HHIP: variants seen among roughly 807,000 people sequenced by gnomAD.
HHIP encodes the protein hedgehog-interacting protein.
HHIP carries 12 observed loss-of-function variants against 74.0 expected under a neutral mutation model. The observed-to-expected ratio is 0.16, with a 90% CI of 0.10 to 0.26. HHIP has a LOEUF of 0.26. HHIP is among the 10% of genes least tolerant of loss of function. The probability of loss-of-function intolerance (pLI) is 1.00; values close to 1 mark genes in which losing one functional copy is unlikely to be tolerated. For missense variants in HHIP, 788 were observed against 845.0 expected, an observed-to-expected ratio of 0.93 and a Z score of 0.84; for synonymous variants, 309 against 311.6, an observed-to-expected ratio of 0.99 and a Z score of 0.09.
intron 7 of HHIP, among the ~76,000 whole-genome samples, chr4:144,710,717 G>A (rs1730273422): frequency 6.6e-6 from 1 of 152,076 alleles, no homozygotes; most frequent in South Asian, 2.1e-4. Context: ...AGTGTGATGG[G>A]GGTGAGGGAG....
rs186623132 is a variant in HHIP, at chr4:144,658,100, T to G, written c.473-690T>G. On this transcript the variant is annotated intron_variant, in intron 2 of 12. Transcript: ENST00000296575. Reference sequence around the variant, plus strand: ...TTCTTGTTTGTTCATCTGAGGAAGTTATTTAGTATTGTAGGAAAAAATGCT... The same window carrying G: ...TTCTTGTTTGTTCATCTGAGGAAGTGATTTAGTATTGTAGGAAAAAATGCT... Among the ~76,000 whole-genome samples, 558 of 152,276 alleles carry G rather than the reference T, an allele frequency of 3.7e-3. 5 individuals carry two copies. Among genetic ancestry groups the G allele is most frequent in the African/African-American group, 0.013 (520 of 41,564 alleles).
At chr4:144,691,160 C>T (rs73854046) in intron 4 of HHIP, among the ~76,000 whole-genome samples, 7,587 of 152,182 alleles carry the variant, frequency 0.05, 606 homozygotes, top group African/African-American at 0.17. Context: ...AGATTGCCAA[C>T]TTTCCAATAG....
chr4:144,729,541 C>T (rs1730892352), intron 11 of HHIP, among the ~76,000 whole-genome samples: 1 of 152,138 alleles, frequency 6.6e-6, no homozygotes. Context: ...GATTCAAAAT[C>T]AGTAGGTCTG....
Position 144,741,537 on chromosome 4 carries a change from A to T in HHIP, c.*3580A>T, listed in dbSNP as rs1347855023. The stretch of plus-strand genomic sequence containing the variant: ...TGGGATTACAGGTGCCCGCCACCAC[A>T]CCCGGCTAATTTTTTTGTGTTTTTA... On this transcript the variant is annotated 3_prime_UTR_variant, in exon 13 of 13. Coordinates refer to ENST00000296575, the MANE Select transcript of HHIP (RefSeq NM_022475.3). 1 of 151,490 alleles carries T rather than the reference A, an allele frequency of 6.6e-6. No homozygotes were observed. Among genetic ancestry groups the T allele is most frequent in the Non-Finnish European group, 1.5e-5 (1 of 67,912 alleles). The allele number at this position is 151,490 out of a possible 1,614,324, so 9.4% of individuals were successfully genotyped here.
intron 4 of HHIP, among the ~76,000 whole-genome samples, chr4:144,694,335 T>G (rs868138797): frequency 1.4e-5 from 2 of 141,548 alleles, no homozygotes; most frequent in South Asian, 4.2e-4. Context: ...ACTATTGGGG[T>G]TTTTTTTTTC....
Position 144,738,007 on chromosome 4 carries a change from C to A in HHIP, c.*50C>A. The A allele has an allele frequency of 6.9e-7, 1 of 1,446,226 alleles. No individual in the cohort carries two copies. The allele number at this position is 1,446,226 out of a possible 1,614,324, so 89.6% of individuals were successfully genotyped here. A position where few individuals can be genotyped will look rare whatever the true frequency, so the allele number is the denominator to read the frequency against. On this transcript the variant is annotated 3_prime_UTR_variant, in exon 13 of 13. Transcript: ENST00000296575. ...ATTCCAATGGGCATTTATTTTTTAT[C>A]CTGTCATTAAAAAAAAAAGACTGTT...
chr4:144,678,219 G>A (rs557792581), intron 4 of HHIP, among the ~76,000 whole-genome samples: 2 of 152,216 alleles, frequency 1.3e-5, no homozygotes, highest in Admixed American at 6.5e-5. Flanking sequence ...ATCAGGAACT[G>A]CCTCCAAAAT....
Position 144,715,307 on chromosome 4 carries a change from C to G in HHIP, c.1555C>G (p.Leu519Val). Residue 519 changes from leucine (L) to valine (V), a missense_variant, in exon 10 of 13, where the codon CTA (leucine) becomes GTA (valine). Leu to Val is a conservative substitution (Grantham distance 32). Around this residue, in one of 3 missense-constraint regions of HHIP, gnomAD observed 343 missense variants for 347.9 expected, o/e 0.99. Coordinates refer to ENST00000296575, the MANE Select transcript of HHIP (RefSeq NM_022475.3). Reference protein sequence around the residue: ...YVFGDRNGNFLTLQQSPVTKQ... With the variant: ...YVFGDRNGNFVTLQQSPVTKQ... ...GGTATGTTTCTGTTGTAGGAATTTC[C>G]TAACTCTCCAGCAAAGTCCTGTGAC... The G allele has an allele frequency of 1.2e-6, 2 of 1,612,580 alleles. No individual in the cohort carries two copies. The highest frequency in any genetic ancestry group is 1.7e-6 in the Non-Finnish European group (2 of 1,178,970).
chr4:144,722,170 T>G (rs1730656956), intron 11 of HHIP, among the ~76,000 whole-genome samples: 1 of 152,160 alleles, frequency 6.6e-6, no homozygotes, highest in Non-Finnish European at 1.5e-5. Flanking sequence ...TTAGATGAAC[T>G]GAGGACAAAA....
At position 144,738,574 on chromosome 4, in the gene HHIP, T is replaced by C. The variant is rs113157658; in HGVS notation, c.*617T>C. The C allele has an allele frequency of 2.2e-3, 1,753 of 804,222 alleles. 30 individuals are homozygous for C. The African/African-American group carries it at 0.028, about 13-fold the overall frequency. The allele number at this position is 804,222 out of a possible 1,614,324, so 49.8% of individuals were successfully genotyped here. A position where few individuals can be genotyped will look rare whatever the true frequency, so the allele number is the denominator to read the frequency against. Reference sequence around the variant, plus strand: ...ATTTCATCTTAATCTCAAGATTGTTTTCAAGTGTTTTATAATTAAATCATA... The same window carrying C: ...ATTTCATCTTAATCTCAAGATTGTTCTCAAGTGTTTTATAATTAAATCATA... On this transcript the variant is annotated 3_prime_UTR_variant, in exon 13 of 13. Coordinates refer to ENST00000296575, the MANE Select transcript of HHIP (RefSeq NM_022475.3).
At chr4:144,701,985 C>T (rs567704031) in intron 4 of HHIP, among the ~76,000 whole-genome samples, 1 of 152,074 alleles carries the variant, frequency 6.6e-6, no homozygotes, top group South Asian at 2.1e-4. Context: ...CCTATAATGT[C>T]TGTTAAAAAA....
chr4:144,681,884 A>C (rs1729354830), intron 4 of HHIP, among the ~76,000 whole-genome samples: 1 of 152,222 alleles, frequency 6.6e-6, no homozygotes, highest in South Asian at 2.1e-4. Context: ...CACGTGCTTT[A>C]GTTATAAAAT....
Position 144,743,848 on chromosome 4 carries a change from A to C in HHIP, c.*5891A>C, listed in dbSNP as rs1347888305. 1 of 152,160 alleles carries C rather than the reference A, an allele frequency of 6.6e-6. No individual in the cohort carries two copies. The highest frequency in any genetic ancestry group is 1.5e-5 in the Non-Finnish European group (1 of 67,984). The allele number at this position is 152,160 out of a possible 1,614,324, so 9.4% of individuals were successfully genotyped here. A position where few individuals can be genotyped will look rare whatever the true frequency, so the allele number is the denominator to read the frequency against. ...CATTTTCCTTTTCACTAAAAAAATA[A>C]CTAATTGATAGTTTCCATTCACATG... is the stretch of plus-strand genomic sequence containing the variant. On this transcript the variant is annotated 3_prime_UTR_variant, in exon 13 of 13. Transcript: ENST00000296575.
chr4:144,674,320 G>C (rs145739892), intron 4 of HHIP, among the ~76,000 whole-genome samples: 1 of 152,130 alleles, frequency 6.6e-6, no homozygotes, highest in Non-Finnish European at 1.5e-5. Flanking sequence ...ATGTGCGAAG[G>C]CCATCTCTGC....
intron 4 of HHIP, among the ~76,000 whole-genome samples, chr4:144,666,665 C>T (rs1432511664): frequency 6.6e-6 from 1 of 152,164 alleles, no homozygotes; most frequent in East Asian, 1.9e-4. Context: ...ATGAGTGGCA[C>T]TGCATGAGAG....
chr4:144,692,980 T>G (rs1408530374), intron 4 of HHIP, among the ~76,000 whole-genome samples: 1 of 152,058 alleles, frequency 6.6e-6, no homozygotes, highest in Non-Finnish European at 1.5e-5. Context: ...ATCTGACACA[T>G]GAGGACATGG....
intron 4 of HHIP, among the ~76,000 whole-genome samples, chr4:144,663,149 C>T (rs1728759839): frequency 6.6e-6 from 1 of 152,126 alleles, no homozygotes; most frequent in African/African-American, 2.4e-5. Flanking sequence ...ATTAGCCGGG[C>T]ATGGTGGCAT....
At chr4:144,719,748 CTG>C (rs1198718620) in intron 11 of HHIP, among the ~76,000 whole-genome samples, 1 of 152,176 alleles carries the variant, frequency 6.6e-6, no homozygotes, top group Non-Finnish European at 1.5e-5. Flanking sequence ...ACAGACACGA[CTG>C]TTGTTGAGCA....
chr4:144,719,074 C>A, intron 11 of HHIP, 118 bp downstream of exon 11: 1 of 699,692 alleles, frequency 1.4e-6, no homozygotes, highest in Non-Finnish European at 2.5e-6. Context: ...ACACTTTTAC[C>A]ATTTCCATAT....
Sources: gnomAD v4.1 joint callset for allele counts (sites outside exome capture counted in the v4.1 genomes callset) on GRCh38, gnomAD v4.1.1 for gene constraint, gnomAD v4.1.1 regional missense constraint, MANE v1.5 for transcripts, NCBI Gene and HGNC (gene_info 2026-07-23, HGNC 2026-07-21) for gene names.